Variants in MAPRE2 observed in about 807,000 individuals in gnomAD.
The protein encoded by MAPRE2 is microtubule-associated protein RP/EB family member 2.
Under a neutral mutation model 43.2 loss-of-function variants are expected in MAPRE2, and 13 were observed. The observed-to-expected ratio is 0.30, with a 90% CI of 0.20 to 0.48. The LOEUF is 0.48. Among genes scored for constraint, MAPRE2 ranks in the 20% least tolerant of loss-of-function variants. The pLI is 0.99. For synonymous variants in MAPRE2, 135 were observed against 148.8 expected, an observed-to-expected ratio of 0.91 and a Z score of 0.68; for missense variants, 161 against 400.2, an observed-to-expected ratio of 0.40 and a Z score of 5.10.
In MAPRE2 at chr18:35,140,358, G is replaced by A. The variant is rs769588442; in HGVS notation, c.973G>A (p.Glu325Lys). ...CCACGAACAGCAGCCCCCGCAGCAGGAAGAGTACTGACCCACCCCGGCTGC... is the reference window on the plus strand; with the variant it reads ...CCACGAACAGCAGCCCCCGCAGCAGAAAGAGTACTGACCCACCCCGGCTGC... ...QAHEQQPPQQ[E>K]EY Residue 325 changes from glutamate (E) to lysine (K), a missense_variant, in exon 7 of 7, where the codon GAA becomes AAA. Coordinates refer to ENST00000300249, the MANE Select transcript of MAPRE2 (RefSeq NM_014268.4). The A allele has an allele frequency of 1.9e-5, 31 of 1,612,550 alleles. No individual in the cohort carries two copies. The highest frequency in any genetic ancestry group is 2.5e-5 in the Non-Finnish European group (30 of 1,179,432).
At chr18:35,004,531 C>T (rs1393184176) in intron 1 of MAPRE2, among the ~76,000 whole-genome samples, 2 of 152,214 alleles carry the variant, frequency 1.3e-5, no homozygotes, top group Admixed American at 6.5e-5. Flanking sequence ...CATTTCTTAG[C>T]CTCCAGAATT....
intron 2 of MAPRE2, among the ~76,000 whole-genome samples, chr18:35,074,503 TAC>T (rs1907251189): frequency 6.6e-6 from 1 of 152,088 alleles, no homozygotes; most frequent in African/African-American, 2.4e-5. Flanking sequence ...TGGGAGAAAG[TAC>T]ATCTTTTCCT....
At chr18:35,106,659 T>A (rs1055595997) in intron 4 of MAPRE2, among the ~76,000 whole-genome samples, 2 of 152,204 alleles carry the variant, frequency 1.3e-5, no homozygotes, top group African/African-American at 2.4e-5. Flanking sequence ...CTTTTCTTTA[T>A]GATTCAGAGA....
intron 1 of MAPRE2, among the ~76,000 whole-genome samples, chr18:34,997,379 T>C (rs2150577155): frequency 6.6e-6 from 1 of 152,220 alleles, no homozygotes; most frequent in Non-Finnish European, 1.5e-5. Context: ...GGAAGATGAT[T>C]TTTAAAAACT....
intron 2 of MAPRE2, among the ~76,000 whole-genome samples, chr18:35,028,692 C>A (rs146576246): frequency 6.6e-6 from 1 of 152,236 alleles, no homozygotes; most frequent in East Asian, 1.9e-4. Context: ...AATAATTTCC[C>A]GAAAGAGGGA....
chr18:35,024,157 CA>C (rs2097043669), intron 2 of MAPRE2, among the ~76,000 whole-genome samples: 1 of 152,186 alleles, frequency 6.6e-6, no homozygotes, highest in African/African-American at 2.4e-5. Flanking sequence ...TGGTTTGTAG[CA>C]GGGGGAAAGT....
intron 1 of MAPRE2, among the ~76,000 whole-genome samples, chr18:35,058,830 G>T (rs1906373393): frequency 6.6e-6 from 1 of 152,266 alleles, no homozygotes; most frequent in South Asian, 2.1e-4. Flanking sequence ...TCCTCACTTG[G>T]AATTATTTTT....
At chr18:35,101,048 TAAAATA>T (rs1908653959) in intron 3 of MAPRE2, among the ~76,000 whole-genome samples, 1 of 152,094 alleles carries the variant, frequency 6.6e-6, no homozygotes, top group Non-Finnish European at 1.5e-5. Flanking sequence ...TCAAAATAAA[TAAAATA>T]AAAATAAAAA....
chr18:35,125,094 G>A (rs972938820), intron 4 of MAPRE2, among the ~76,000 whole-genome samples: 2 of 152,146 alleles, frequency 1.3e-5, no homozygotes, highest in African/African-American at 4.8e-5. Context: ...ACCTCCCTGT[G>A]TTTTTAAAGA....
At chr18:34,997,227 T>C (rs1165487712) in intron 1 of MAPRE2, among the ~76,000 whole-genome samples, 1 of 152,126 alleles carries the variant, frequency 6.6e-6, no homozygotes, top group East Asian at 1.9e-4. Flanking sequence ...GGAATGAAAA[T>C]TGGATATTGC....
chr18:34,997,583 A>C (rs538776166), intron 1 of MAPRE2, among the ~76,000 whole-genome samples: 2 of 152,324 alleles, frequency 1.3e-5, no homozygotes, highest in South Asian at 4.1e-4. Flanking sequence ...TGGGAGGCTG[A>C]GGCGGGCGGA....
At chr18:35,077,245 G>A (rs1181265810) in intron 2 of MAPRE2, among the ~76,000 whole-genome samples, 22 of 122,482 alleles carry the variant, frequency 1.8e-4, no homozygotes, top group East Asian at 1.6e-3. Context: ...GCGCGTGCGC[G>A]CGCGCACACA....
chr18:35,047,026 G>A (rs924000752), intron 1 of MAPRE2, among the ~76,000 whole-genome samples: 1 of 152,118 alleles, frequency 6.6e-6, no homozygotes, highest in African/African-American at 2.4e-5. Flanking sequence ...AAAAAGTTCC[G>A]ATGTGGCTGA....
intron 1 of MAPRE2, among the ~76,000 whole-genome samples, chr18:34,987,019 C>T (rs1330492452): frequency 6.6e-6 from 1 of 151,864 alleles, no homozygotes; most frequent in Admixed American, 6.6e-5. Flanking sequence ...TCTTAGCTGC[C>T]TTCACTTACT....
chr18:35,060,998 A>G (rs958261770), intron 1 of MAPRE2, among the ~76,000 whole-genome samples: 4 of 152,200 alleles, frequency 2.6e-5, no homozygotes, highest in Admixed American at 1.3e-4. Flanking sequence ...TTGAAAAATA[A>G]TCATTAATGG....
At chr18:34,980,206 A>C (rs571968831) in intron 1 of MAPRE2, among the ~76,000 whole-genome samples, 1 of 151,362 alleles carries the variant, frequency 6.6e-6, no homozygotes, top group East Asian at 1.9e-4. Context: ...TTGTATTTTT[A>C]TAGAGATGGG....
intron 2 of MAPRE2, among the ~76,000 whole-genome samples, chr18:35,028,826 G>A (rs1457571339): frequency 2.0e-5 from 3 of 152,210 alleles, no homozygotes; most frequent in Non-Finnish European, 4.4e-5. Flanking sequence ...GGAATTGTGG[G>A]CTGGTGGGAA....
intron 1 of MAPRE2, among the ~76,000 whole-genome samples, chr18:35,055,537 CTGTGTG>C (rs34194364): frequency 4.1e-5 from 6 of 146,592 alleles, no homozygotes; most frequent in Non-Finnish European, 9.0e-5. Context: ...ATTCAGTTCT[CTGTGTG>C]TGTGTGTGTG....
At chr18:34,979,674 C>T (rs1207896261) in intron 1 of MAPRE2, among the ~76,000 whole-genome samples, 1 of 151,850 alleles carries the variant, frequency 6.6e-6, no homozygotes, top group Admixed American at 6.6e-5. Context: ...ATTTTGCATA[C>T]AAAAAAGTCA....
Sources: gnomAD v4.1 joint callset for allele counts (sites outside exome capture counted in the v4.1 genomes callset) on GRCh38, gnomAD v4.1.1 for gene constraint, MANE v1.5 for transcripts, NCBI Gene and HGNC (gene_info 2026-07-23, HGNC 2026-07-21) for gene names.